The following FSTL4 variants were observed in gnomAD, a reference collection of about 807,000 sequenced individuals.
FSTL4 encodes follistatin like 4.
Under a neutral mutation model 78.2 loss-of-function variants are expected in FSTL4, and 28 were observed. That is an observed-to-expected ratio of 0.36 (90% CI 0.27 to 0.49). The LOEUF is 0.49. FSTL4 is among the 20% of genes least tolerant of loss of function. The probability of loss-of-function intolerance (pLI) is 0.98; values close to 1 mark genes in which losing one functional copy is unlikely to be tolerated. For missense variants in FSTL4, 922 were observed against 1,084.9 expected (o/e 0.85, Z 2.11); for synonymous variants, 422 against 440.5 (o/e 0.96, Z 0.53).
intron 4 of FSTL4, among the ~76,000 whole-genome samples, chr5:133,329,388 AAGAG>A (rs201632873): frequency 1.3e-5 from 2 of 151,588 alleles, no homozygotes. Context: ...CAGAACTCAA[AAGAG>A]AGAGAGAGAT....
chr5:133,357,566 A>T (rs1311169245), intron 4 of FSTL4, among the ~76,000 whole-genome samples: 1 of 152,210 alleles, frequency 6.6e-6, no homozygotes, highest in African/African-American at 2.4e-5. Context: ...CTTAAAGCTG[A>T]CATCATCCCT....
intron 3 of FSTL4, among the ~76,000 whole-genome samples, chr5:133,410,775 A>G (rs1025570276): frequency 3.3e-4 from 50 of 152,070 alleles, no homozygotes; most frequent in African/African-American, 1.0e-3. Flanking sequence ...GAAAACTACC[A>G]TTTTCTAATC....
At chr5:133,661,152 G>A in the FSTL4 span, among the ~76,000 whole-genome samples, 5 of 152,024 alleles carry the variant, frequency 3.3e-5, no homozygotes, top group East Asian at 1.9e-4. Flanking sequence ...CATCATGCCT[G>A]GCTAATTTTT....
intron 4 of FSTL4, among the ~76,000 whole-genome samples, chr5:133,334,750 G>A (rs1157428376): frequency 6.6e-6 from 1 of 152,156 alleles, no homozygotes; most frequent in African/African-American, 2.4e-5. Flanking sequence ...GGGAAGGTGC[G>A]GGGCTCACAG....
chr5:133,568,496 C>T (rs894464226), intron 2 of FSTL4, among the ~76,000 whole-genome samples: 5 of 152,174 alleles, frequency 3.3e-5, no homozygotes, highest in Non-Finnish European at 7.3e-5. Flanking sequence ...TTGTCCTACC[C>T]AAATTACATT....
At chr5:133,359,922 C>T (rs543009175) in intron 4 of FSTL4, among the ~76,000 whole-genome samples, 3 of 152,314 alleles carry the variant, frequency 2.0e-5, no homozygotes, top group Non-Finnish European at 4.4e-5. Flanking sequence ...ACCTGACTCC[C>T]CGTGCTGCTG....
the FSTL4 span, among the ~76,000 whole-genome samples, chr5:133,664,573 C>T: frequency 6.6e-6 from 1 of 152,220 alleles, no homozygotes; most frequent in Non-Finnish European, 1.5e-5. Context: ...GCCCACTCAG[C>T]ATCCTCTCAC....
chr5:133,251,811 C>G (rs1752251217), intron 6 of FSTL4, among the ~76,000 whole-genome samples: 1 of 152,324 alleles, frequency 6.6e-6, no homozygotes, highest in Admixed American at 6.5e-5. Flanking sequence ...GCTGCCAGAC[C>G]AAGGTCCAAA....
At chr5:133,697,241 C>T in the FSTL4 span, among the ~76,000 whole-genome samples, 1 of 152,312 alleles carries the variant, frequency 6.6e-6, no homozygotes, top group Middle Eastern at 3.4e-3. Flanking sequence ...CTGCTGTTCC[C>T]ATCTACCACC....
At chr5:133,814,057 AAACCAGGGACTGTCACC>A in the FSTL4 span, among the ~76,000 whole-genome samples, 1 of 152,244 alleles carries the variant, frequency 6.6e-6, no homozygotes, top group South Asian at 2.1e-4. Context: ...GGGGGCTGGG[AAACCAGGGACTGTCACC>A]AACAAGGACA....
the FSTL4 span, among the ~76,000 whole-genome samples, chr5:133,798,263 G>A: frequency 6.6e-6 from 1 of 152,152 alleles, no homozygotes; most frequent in Non-Finnish European, 1.5e-5. Flanking sequence ...GTTTCCAGAA[G>A]ATGGGTTCTA....
At chr5:133,315,809 C>G (rs1222454791) in intron 5 of FSTL4, among the ~76,000 whole-genome samples, 2 of 152,240 alleles carry the variant, frequency 1.3e-5, no homozygotes, top group African/African-American at 4.8e-5. Flanking sequence ...CTGCAACTGG[C>G]AGTGGCTGTG....
At chr5:133,259,086 A>T (rs1174093520) in intron 6 of FSTL4, among the ~76,000 whole-genome samples, 1 of 151,560 alleles carries the variant, frequency 6.6e-6, no homozygotes, top group Non-Finnish European at 1.5e-5. Context: ...GAACATGCAA[A>T]CAAATTACAC....
At chr5:133,628,351 C>A in the FSTL4 span, among the ~76,000 whole-genome samples, 1 of 141,014 alleles carries the variant, frequency 7.1e-6, no homozygotes, top group Non-Finnish European at 1.5e-5. Context: ...TGTTTCTTTT[C>A]TTTTCTTTTC....
the FSTL4 span, among the ~76,000 whole-genome samples, chr5:133,628,719 TAAA>T: frequency 6.6e-6 from 1 of 151,204 alleles, no homozygotes; most frequent in South Asian, 2.1e-4. Flanking sequence ...GCCAGACTAA[TAAA>T]GAAGAAAAGA....
chr5:133,234,027 G>T (rs1177456433), intron 7 of FSTL4, among the ~76,000 whole-genome samples: 1 of 152,104 alleles, frequency 6.6e-6, no homozygotes, highest in Non-Finnish European at 1.5e-5. Flanking sequence ...ACCCAACTCC[G>T]CCACTACAGC....
intron 2 of FSTL4, among the ~76,000 whole-genome samples, chr5:133,600,305 G>A (rs969959407): frequency 1.3e-5 from 2 of 152,026 alleles, no homozygotes; most frequent in African/African-American, 2.4e-5. Context: ...ACTAGGCTAC[G>A]ATGTTTGGTA....
At chr5:133,558,053 A>T (rs545056132) in intron 3 of FSTL4, among the ~76,000 whole-genome samples, 1 of 152,298 alleles carries the variant, frequency 6.6e-6, no homozygotes, top group East Asian at 1.9e-4. Flanking sequence ...CCCAACTGAG[A>T]GGTGGCTGGC....
intron 3 of FSTL4, among the ~76,000 whole-genome samples, chr5:133,432,128 C>T (rs1448463551): frequency 6.6e-6 from 1 of 152,050 alleles, no homozygotes; most frequent in Non-Finnish European, 1.5e-5. Context: ...TACCTCCATT[C>T]AAGCAGGGCA....
Sources: gnomAD v4.1 joint callset for allele counts (sites outside exome capture counted in the v4.1 genomes callset) on GRCh38, gnomAD v4.1.1 for gene constraint, MANE v1.5 for transcripts, NCBI Gene and HGNC (gene_info 2026-07-23, HGNC 2026-07-21) for gene names.